XIRP2: variants seen among roughly 807,000 people sequenced by gnomAD.
The protein encoded by XIRP2 is xin actin binding repeat containing 2, also known as xin actin-binding repeat-containing protein 2.
A neutral mutation model predicts 277.0 loss-of-function variants in XIRP2; 236 were observed. The ratio of observed to expected loss-of-function variants is 0.85; its 90% confidence interval spans 0.77 to 0.95. XIRP2 has a LOEUF of 0.95. Among genes scored for constraint, XIRP2 ranks in the 40% least tolerant of loss-of-function variants. The pLI, the probability that XIRP2 is intolerant of heterozygous loss-of-function variation, is 0.00. For missense variants in XIRP2, 4,640 were observed against 4,157.5 expected, an observed-to-expected ratio of 1.12 and a Z score of -3.19; for synonymous variants, 1,490 against 1,416.5, an observed-to-expected ratio of 1.05 and a Z score of -1.17.
At chr2:167,144,321 T>C (rs1261927724) in intron 3 of XIRP2, among the ~76,000 whole-genome samples, 3 of 152,148 alleles carry the variant, frequency 2.0e-5, no homozygotes, top group Non-Finnish European at 4.4e-5. Context: ...TGCATGTCAC[T>C]GTTATGATTC....
intron 2 of XIRP2, among the ~76,000 whole-genome samples, chr2:167,034,968 A>T (rs1688471437): frequency 6.6e-6 from 1 of 152,132 alleles, no homozygotes; most frequent in African/African-American, 2.4e-5. Flanking sequence ...AATAAGTCTC[A>T]TGAGATCCGA....
intron 3 of XIRP2, among the ~76,000 whole-genome samples, chr2:167,186,802 C>CTTG (rs1035058522): frequency 6.6e-6 from 1 of 150,510 alleles, no homozygotes; most frequent in African/African-American, 2.5e-5. Flanking sequence ...ACCATTCTTC[C>CTTG]TTGTTTTTTT....
At chr2:167,178,466 C>T (rs114843082) in intron 3 of XIRP2, among the ~76,000 whole-genome samples, 6,073 of 152,128 alleles carry the variant, frequency 0.04, 132 homozygotes, top group Non-Finnish European at 0.051. Flanking sequence ...GGCTGTTTGA[C>T]AAATTTCTTC....
At position 167,073,835 on chromosome 2, in the gene XIRP2, T is replaced by G. The variant is rs370242771; in HGVS notation, c.409-62074T>G. On this transcript the variant is annotated intron_variant, in intron 2 of 10. Coordinates refer to ENST00000409195, the MANE Select transcript of XIRP2 (RefSeq NM_152381.6). ...CTTTCATGCTAAGCAGGAAAAAACA[T>G]AAAAGCTGAAACAGTAAATGTCTGA... Among the ~76,000 whole-genome samples the G allele has an allele frequency of 8.9e-4, 136 of 152,262 alleles. 1 individual carries two copies. The highest frequency in any genetic ancestry group is 3.2e-3 in the African/African-American group (135 of 41,582).
chr2:167,123,652 C>T (rs558175304), intron 2 of XIRP2, among the ~76,000 whole-genome samples: 2 of 152,202 alleles, frequency 1.3e-5, no homozygotes, highest in East Asian at 3.9e-4. Flanking sequence ...CTCTTGCTGC[C>T]TCTTCACATG....
At chr2:167,096,227 C>G (rs1350568052) in intron 2 of XIRP2, among the ~76,000 whole-genome samples, 1 of 152,000 alleles carries the variant, frequency 6.6e-6, no homozygotes, top group African/African-American at 2.4e-5. Flanking sequence ...AATTTCAGAA[C>G]TTGTTATTGG....
In XIRP2 at chr2:167,133,027, A is replaced by G. The variant is rs566119269; in HGVS notation, c.409-2882A>G. 1.1e-3 allele frequency among the ~76,000 whole-genome samples: 161 copies of G among 152,342 alleles called. 1 individual carries two copies. Among genetic ancestry groups the G allele is most frequent in the South Asian group, 5.0e-3 (24 of 4,824 alleles). ...GTTGAACATTAGGTGTTCAATGACT[A>G]AATCTCTTCCAAGAACATTTGAGAA... On this transcript the variant is annotated intron_variant, in intron 2 of 10. Transcript: ENST00000409195.
At position 167,039,181 on chromosome 2, in the gene XIRP2, T is replaced by TAAAGA. The variant is rs376367163; in HGVS notation, c.409-96726_409-96722dup. ...ACTTGTCATAAAATAAGGACAACTC[T>TAAAGA]AAAGAACCACAATGAGTTTAACTGT... On this transcript the variant is annotated intron_variant, in intron 2 of 10. Coordinates refer to ENST00000409195, the MANE Select transcript of XIRP2 (RefSeq NM_152381.6). Among the ~76,000 whole-genome samples, 454 of 152,224 alleles carry TAAAGA rather than the reference T, an allele frequency of 3.0e-3. 2 individuals carry two copies. The highest frequency in any genetic ancestry group is 0.01 in the African/African-American group (425 of 41,536).
In XIRP2 at chr2:167,087,599, A is replaced by G. The variant is rs374082236; in HGVS notation, c.409-48310A>G. ...CTATGCTAGCAATCAGCGAGACTCC[A>G]TGGGCGTAGGACCCTCCGAGCCAGG... On this transcript the variant is annotated intron_variant, in intron 2 of 10. Transcript: ENST00000409195. Among the ~76,000 whole-genome samples the G allele has an allele frequency of 1.2e-4, 18 of 152,156 alleles. No homozygotes were observed. The East Asian group carries it at 2.5e-3, about 21-fold the overall frequency.
At chr2:167,045,897 C>A (rs1245004120) in intron 2 of XIRP2, among the ~76,000 whole-genome samples, 1 of 151,940 alleles carries the variant, frequency 6.6e-6, no homozygotes, top group Non-Finnish European at 1.5e-5. Flanking sequence ...CCGGCCGTTG[C>A]CCATTCAGTA....
intron 2 of XIRP2, among the ~76,000 whole-genome samples, chr2:167,125,923 A>T (rs902429093): frequency 5.9e-5 from 9 of 152,212 alleles, no homozygotes; most frequent in African/African-American, 2.2e-4. Flanking sequence ...AGGACTGAAC[A>T]TCCATGATAG....
At chr2:166,902,658 C>CT (rs1684413089) in intron 1 of XIRP2, among the ~76,000 whole-genome samples, 1 of 151,172 alleles carries the variant, frequency 6.6e-6, no homozygotes, top group Non-Finnish European at 1.5e-5. Context: ...TTTTTTCTTC[C>CT]TTATCGTACC....
chr2:167,039,660 G>C (rs1688609860), intron 2 of XIRP2, among the ~76,000 whole-genome samples: 1 of 152,206 alleles, frequency 6.6e-6, no homozygotes, highest in Admixed American at 6.5e-5. Context: ...GAAAGTCAAG[G>C]CTGATAGACA....
intron 3 of XIRP2, among the ~76,000 whole-genome samples, chr2:167,198,079 TA>T (rs779946686): frequency 2.9e-4 from 44 of 152,176 alleles, no homozygotes; most frequent in Non-Finnish European, 5.0e-4. Flanking sequence ...TTTTTAAAGA[TA>T]AATAACTGTA....
intron 2 of XIRP2, among the ~76,000 whole-genome samples, chr2:167,057,096 G>T (rs1689054511): frequency 6.6e-6 from 1 of 152,042 alleles, no homozygotes; most frequent in Non-Finnish European, 1.5e-5. Flanking sequence ...ATGGTCCAAG[G>T]ATCACTAAAT....
chr2:167,081,089 TAACTA>T (rs1441683949), intron 2 of XIRP2, among the ~76,000 whole-genome samples: 2 of 152,140 alleles, frequency 1.3e-5, no homozygotes, highest in Non-Finnish European at 1.5e-5. Context: ...CTAAATAAAA[TAACTA>T]TATATAACTT....
chr2:167,167,276 G>T (rs957367412), intron 3 of XIRP2, among the ~76,000 whole-genome samples: 13 of 151,730 alleles, frequency 8.6e-5, no homozygotes, highest in African/African-American at 2.2e-4. Context: ...CTTATTTTTT[G>T]ATCTACTCTG....
intron 2 of XIRP2, among the ~76,000 whole-genome samples, chr2:166,907,398 G>A (rs1036346001): frequency 3.3e-5 from 5 of 152,144 alleles, no homozygotes; most frequent in African/African-American, 1.2e-4. Context: ...CAAAAATAGT[G>A]GGGTTAGAAC....
intron 3 of XIRP2, among the ~76,000 whole-genome samples, chr2:167,182,125 C>T (rs73027809): frequency 0.099 from 14,998 of 151,884 alleles, 794 homozygotes; most frequent in South Asian, 0.16. Flanking sequence ...TAAATTATAC[C>T]TGATTAAATT....
Sources: allele counts gnomAD v4.1 joint callset (sites outside exome capture counted in the v4.1 genomes callset), GRCh38; gene constraint gnomAD v4.1.1; transcripts MANE v1.5; gene names NCBI Gene and HGNC (gene_info 2026-07-23, HGNC 2026-07-21).